The following CDK11A variants were observed in gnomAD, a reference collection of about 807,000 sequenced individuals.
CDK11A encodes the protein cyclin dependent kinase 11A.
Under a neutral mutation model 83.6 loss-of-function variants are expected in CDK11A, and 55 were observed. The ratio of observed to expected loss-of-function variants is 0.66; its 90% CI spans 0.53 to 0.82. The LOEUF (loss-of-function observed/expected upper bound fraction) is 0.82, where lower values mean the gene tolerates loss of function less well. Among genes scored for constraint, CDK11A ranks in the 40% least tolerant of loss-of-function variants. The pLI is 0.00. For synonymous variants in CDK11A, 247 were observed against 302.7 expected (o/e 0.82, Z 1.91); for missense variants, 564 against 810.1 (o/e 0.70, Z 3.69).
chr1:1,715,973 C>A (rs1644623090), intron 5 of CDK11A, among the ~76,000 whole-genome samples: 2 of 150,916 alleles, frequency 1.3e-5, no homozygotes, highest in African/African-American at 4.9e-5. Flanking sequence ...GTCAACCAGG[C>A]TGGAGTGCAG....
intron 4 of CDK11A, among the ~76,000 whole-genome samples, chr1:1,718,460 C>T (rs150006505): frequency 1.1e-4 from 15 of 135,580 alleles, no homozygotes; most frequent in East Asian, 2.2e-4. Context: ...GACACACGCA[C>T]GCTTTCAGCT....
Position 1,704,257 on chromosome 1 carries a change from G to C in CDK11A, c.1652C>G (p.Ser551Cys). 1 of 1,608,520 alleles carries C rather than the reference G, an allele frequency of 6.2e-7. No homozygotes were observed. The highest frequency in any genetic ancestry group is 8.5e-7 in the Non-Finnish European group (1 of 1,176,746). ...GCCGGCGTGGCTCAGCAGCAGGTTG[G>C]ACGTCTTGAGGTCACGGTGCAGGAT... ...NWILHRDLKT[S>C]NLLLSHAGIL... Residue 551 changes from serine (S) to cysteine (C), a missense_variant, in exon 15 of 20, where the codon TCC (serine) becomes TGC (cysteine). Coordinates refer to ENST00000404249, the MANE Select transcript of CDK11A (RefSeq NM_024011.4).
At chr1:1,720,610 G>A (rs1644869578) in intron 3 of CDK11A, among the ~76,000 whole-genome samples, 2 of 149,424 alleles carry the variant, frequency 1.3e-5, no homozygotes, top group South Asian at 4.3e-4. Flanking sequence ...TATTGGTCAG[G>A]CTGATCTGAA....
rs1168780288 is a variant in CDK11A, at chr1:1,716,814, C to CA, written c.356-337dup. 6.5e-4 allele frequency among the ~76,000 whole-genome samples: 50 copies of CA among 76,668 alleles called. 1 individual carries two copies. Among genetic ancestry groups the CA allele is most frequent in the African/African-American group, 1.7e-3 (29 of 16,910 alleles). 50.3% of individuals were successfully genotyped at this position (76,668 alleles called of 152,430 possible). ...TGGGCGAAAAAGTGAGACTCCATCT[C>CA]AAAAAAAAAAAAAAAAAAAAAAAAA... On this transcript the variant is annotated intron_variant, in intron 4 of 19. Coordinates refer to ENST00000404249, the MANE Select transcript of CDK11A (RefSeq NM_024011.4).
intron 4 of CDK11A, among the ~76,000 whole-genome samples, chr1:1,717,483 A>G (rs1191120538): frequency 6.6e-6 from 1 of 151,348 alleles, no homozygotes; most frequent in African/African-American, 2.4e-5. Flanking sequence ...TTTTTCTCCT[A>G]TACTTGTTGA....
At chr1:1,719,638 C>CTCGCTCTTTCACCCAGGCT (rs70937183) in intron 3 of CDK11A, among the ~76,000 whole-genome samples, 183 bp from the exon 4 acceptor site, 1 of 137,300 alleles carries the variant, frequency 7.3e-6, no homozygotes, top group Non-Finnish European at 1.6e-5. Context: ...TTTTTTTAGA[C>CTCGCTCTTTCACCCAGGCT]GGAGTCTCGC....
At chr1:1,704,179 C>G in intron 15 of CDK11A, 33 bp from the exon 16 acceptor site, 1 of 1,607,882 alleles carries the variant, frequency 6.2e-7, no homozygotes, top group Non-Finnish European at 8.5e-7. Context: ...GTGGGTGGGC[C>G]TGGGCGGGTC....
intron 4 of CDK11A, among the ~76,000 whole-genome samples, chr1:1,717,385 G>GT (rs1449841226): frequency 1.4e-5 from 1 of 73,588 alleles, no homozygotes; most frequent in Non-Finnish European, 4.0e-5. Context: ...CCTAACACCC[G>GT]TAAGAATCTC....
intron 6 of CDK11A, among the ~76,000 whole-genome samples, chr1:1,710,787 A>T (rs1644471503): frequency 7.2e-6 from 1 of 137,998 alleles, no homozygotes; most frequent in Non-Finnish European, 1.6e-5. Flanking sequence ...CAGAGACAGA[A>T]GATCCAACAA....
At chr1:1,704,744 C>T (rs565903183) in intron 13 of CDK11A, 89 bp from the exon 14 acceptor site, 1 of 1,599,736 alleles carries the variant, frequency 6.3e-7, no homozygotes, top group East Asian at 2.2e-5. Flanking sequence ...ACAGTAAGGA[C>T]CTCCGGTGCC....
Position 1,718,205 on chromosome 1 carries a change from T to C in CDK11A, c.355+1123A>G, listed in dbSNP as rs796570215. 7.8e-5 allele frequency among the ~76,000 whole-genome samples: 9 copies of C among 115,078 alleles called. No homozygotes were observed. In the South Asian group the frequency reaches 2.6e-3, roughly 33 times the overall value. The allele number at this position is 115,078 out of a possible 152,430, so 75.5% of individuals were successfully genotyped here. ...ACACGCATGCTTTCAGCTAGGGTAT[T>C]CTCTCTATAGCCCTTCTGAATGGTC... On this transcript the variant is annotated intron_variant, in intron 4 of 19. Transcript: ENST00000404249.
Position 1,716,473 on chromosome 1 carries a change from G to A in CDK11A, c.361C>T (p.His121Tyr). ...HHSHSAEGGKHARVKEREHER... is the reference protein window; with the variant it reads ...HHSHSAEGGKYARVKEREHER... ...TGCTCTCTTTCTTTCACTCTAGCAT[G>A]CTTCCCTAATGAGAAATAAAGTGTC... The change falls in exon 5 of 20, where the codon CAT becomes TAT. Residue 121 changes from histidine to tyrosine, a missense_variant. His to Tyr is a moderately conservative substitution (Grantham distance 83). Transcript: ENST00000404249. The A allele has an allele frequency of 6.2e-7, 1 of 1,607,816 alleles. No individual in the cohort carries two copies. The highest frequency in any genetic ancestry group is 8.5e-7 in the Non-Finnish European group (1 of 1,176,106).
At chr1:1,718,761 A>T (rs1969650) in intron 4 of CDK11A, among the ~76,000 whole-genome samples, 1 of 149,772 alleles carries the variant, frequency 6.7e-6, no homozygotes, top group South Asian at 2.1e-4. Flanking sequence ...CTCAGCCTCC[A>T]GAGCAGCTGG....
At chr1:1,703,786 T>A (rs1277886371) in intron 17 of CDK11A, 38 bp downstream of exon 17, 1 of 1,605,188 alleles carries the variant, frequency 6.2e-7, no homozygotes, top group East Asian at 2.2e-5. Flanking sequence ...GCAACTCCTC[T>A]GAAATCCATA....
Position 1,717,409 on chromosome 1 carries a change from G to C in CDK11A, c.356-931C>G, listed in dbSNP as rs1320305710. Among the ~76,000 whole-genome samples, 7 of 151,266 alleles carry C rather than the reference G, an allele frequency of 4.6e-5. No individual in the cohort carries two copies. The East Asian group carries it at 1.2e-3, about 25-fold the overall frequency. On this transcript the variant is annotated intron_variant, in intron 4 of 19. Coordinates refer to ENST00000404249, the MANE Select transcript of CDK11A (RefSeq NM_024011.4). ...CGTAAGAATCTCCTGATGTTGGTACGAGATCAAACTGCTCAAGCCTAACCC... is the reference window on the plus strand; with the variant it reads ...CGTAAGAATCTCCTGATGTTGGTACCAGATCAAACTGCTCAAGCCTAACCC...
At chr1:1,715,608 C>T (rs1471141519) in intron 5 of CDK11A, among the ~76,000 whole-genome samples, 1 of 149,802 alleles carries the variant, frequency 6.7e-6, no homozygotes, top group African/African-American at 2.4e-5. Context: ...CAACAAGAAC[C>T]AGCGCCCTCT....
chr1:1,703,925 C>T lies in CDK11A; in HGVS notation c.1810G>A (p.Val604Met), dbSNP rs753808941. The T allele has an allele frequency of 2.9e-5, 46 of 1,609,672 alleles. 4 individuals are homozygous for T. Among genetic ancestry groups the T allele is most frequent in the Non-Finnish European group, 3.2e-5 (38 of 1,176,952 alleles). ...LLGAKEYSTA[V>M]DMWSVGCIFG... is the part of the protein sequence containing the mutation. The stretch of plus-strand genomic sequence containing the variant: ...ATGCAGCCCACTGACCACATGTCCA[C>T]GGCCGTGGAGTATTCCTAAGACGCC... Residue 604 changes from valine (V) to methionine (M), a missense_variant, in exon 17 of 20, where the codon GTG becomes ATG. Around this residue, in one of 5 missense-constraint regions of CDK11A, gnomAD observed 361 missense variants for 402.7 expected, o/e 0.90. Coordinates refer to ENST00000404249, the MANE Select transcript of CDK11A (RefSeq NM_024011.4).
At chr1:1,723,488 CAAAAAAAAAA>C (rs768913380) in intron 1 of CDK11A, among the ~76,000 whole-genome samples, 7 of 20,614 alleles carry the variant, frequency 3.4e-4, no homozygotes, top group South Asian at 2.3e-3. Flanking sequence ...GACCCCGTCT[CAAAAAAAAAA>C]AAAAAAAAAA....
intron 4 of CDK11A, 113 bp from the exon 5 acceptor site, chr1:1,716,591 A>C (rs904131567): frequency 9.8e-7 from 1 of 1,017,338 alleles, no homozygotes; most frequent in South Asian, 1.5e-5. Flanking sequence ...AGGCGGGTGG[A>C]TCACCTGAGG....
Sources: allele counts gnomAD v4.1 joint callset (sites outside exome capture counted in the v4.1 genomes callset), GRCh38; gene constraint gnomAD v4.1.1; regional missense constraint gnomAD v4.1.1; transcripts MANE v1.5; gene names NCBI Gene and HGNC (gene_info 2026-07-23, HGNC 2026-07-21).